Variants in DOCK2 observed in about 807,000 individuals in gnomAD.
DOCK2 encodes the protein dedicator of cytokinesis 2, also known as dedicator of cytokinesis protein 2.
A neutral mutation model predicts 248.9 loss-of-function variants in DOCK2; 87 were observed. The observed-to-expected ratio is 0.35, with a 90% confidence interval of 0.29 to 0.42. The LOEUF (loss-of-function observed/expected upper bound fraction) is 0.42. Ranked by LOEUF, DOCK2 falls within the 10% of genes least tolerant of loss-of-function variation. DOCK2 has a pLI of 1.00. For missense variants in DOCK2, 1,747 were observed against 2,300.2 expected, an observed-to-expected ratio of 0.76 and a Z score of 4.92; for synonymous variants, 805 against 821.6, an observed-to-expected ratio of 0.98 and a Z score of 0.35.
intron 25 of DOCK2, among the ~76,000 whole-genome samples, chr5:169,784,524 A>G (rs1161305871): frequency 6.6e-6 from 1 of 152,236 alleles, no homozygotes; most frequent in East Asian, 1.9e-4. Context: ...TTGGCATGAA[A>G]GATAATTTCA....
rs1761380290 is a variant in DOCK2, at chr5:169,708,198, G to A, written c.1413G>A (p.Lys471=). Residue 471 remains lysine, a synonymous_variant, in exon 15 of 52, where the codon AAG becomes AAA. Coordinates refer to ENST00000520908, the MANE Select transcript of DOCK2 (RefSeq NM_004946.3). ...CAATTTGCGTGGGAGCAGGGGACAA[G>A]CCCATGAATGAGTATCGCTCCGTTG... ...PNAICVGAGD[K]PMNEYRSVVY... 2 of 1,614,014 alleles carry A rather than the reference G, an allele frequency of 1.2e-6. No homozygotes were observed. Among genetic ancestry groups the A allele is most frequent in the South Asian group, 1.1e-5 (1 of 91,054 alleles).
chr5:170,003,077 C>T (rs534252597), intron 30 of DOCK2, among the ~76,000 whole-genome samples: 2 of 152,344 alleles, frequency 1.3e-5, no homozygotes, highest in South Asian at 4.1e-4. Flanking sequence ...AATCTTGGTA[C>T]TTGTGGAGCT....
chr5:170,065,680 A>G (rs1266164677), intron 44 of DOCK2, among the ~76,000 whole-genome samples: 1 of 152,198 alleles, frequency 6.6e-6, no homozygotes, highest in Non-Finnish European at 1.5e-5. Flanking sequence ...GAGCTTGTGC[A>G]GGGAAATTCC....
At chr5:169,909,252 G>T (rs1774460118) in intron 27 of DOCK2, among the ~76,000 whole-genome samples, 1 of 152,014 alleles carries the variant, frequency 6.6e-6, no homozygotes, top group Non-Finnish European at 1.5e-5. Flanking sequence ...TTAGTTCCTG[G>T]GTCACATTAG....
At chr5:169,669,757 C>T (rs931479462) in intron 3 of DOCK2, among the ~76,000 whole-genome samples, 1 of 152,182 alleles carries the variant, frequency 6.6e-6, no homozygotes, top group Non-Finnish European at 1.5e-5. Context: ...GTTCTAACCT[C>T]ACATTTCACT....
intron 41 of DOCK2, among the ~76,000 whole-genome samples, chr5:170,051,766 T>C (rs957124337): frequency 1.3e-5 from 2 of 152,106 alleles, no homozygotes; most frequent in Non-Finnish European, 2.9e-5. Flanking sequence ...AGTAAATATT[T>C]GTTGATTAAT....
chr5:170,049,154 G>A (rs1042582404), intron 40 of DOCK2, among the ~76,000 whole-genome samples: 2 of 152,106 alleles, frequency 1.3e-5, no homozygotes, highest in Non-Finnish European at 2.9e-5. Flanking sequence ...TTGCTCTGTC[G>A]CCCAGGCTGG....
At chr5:169,967,235 C>T (rs1288216014) in intron 27 of DOCK2, among the ~76,000 whole-genome samples, 2 of 152,200 alleles carry the variant, frequency 1.3e-5, no homozygotes, top group Admixed American at 1.3e-4. Flanking sequence ...GCCCTGACCA[C>T]AGCTAGTGGT....
At chr5:169,945,192 C>G (rs1375275247) in intron 27 of DOCK2, among the ~76,000 whole-genome samples, 2 of 152,226 alleles carry the variant, frequency 1.3e-5, no homozygotes, top group African/African-American at 4.8e-5. Context: ...GCTGGTTGTG[C>G]TGCAGCTGTA....
intron 25 of DOCK2, among the ~76,000 whole-genome samples, chr5:169,770,244 A>G (rs541055117): frequency 1.8e-4 from 28 of 151,948 alleles, no homozygotes; most frequent in African/African-American, 6.0e-4. Flanking sequence ...CTTACGTGTA[A>G]CCACATGACT....
At position 169,663,535 on chromosome 5, in the gene DOCK2, G is replaced by A. The variant is rs151095229; in HGVS notation, c.128-5753G>A. On this transcript the variant is annotated intron_variant, in intron 2 of 51. Transcript: ENST00000520908. ...AGAAGACTTCTGCCTTGACATCCAG[G>A]CATTTCCATACATCCTCTGAAATCT... Among the ~76,000 whole-genome samples, 520 of 152,328 alleles carry A rather than the reference G, an allele frequency of 3.4e-3. 5 individuals are homozygous for A. The highest frequency in any genetic ancestry group is 0.012 in the African/African-American group (504 of 41,570).
chr5:169,751,824 T>C (rs1561662688), intron 23 of DOCK2, among the ~76,000 whole-genome samples: 1 of 152,240 alleles, frequency 6.6e-6, no homozygotes, highest in Non-Finnish European at 1.5e-5. Flanking sequence ...GACATGGAAC[T>C]GGGATCTTCA....
intron 33 of DOCK2, among the ~76,000 whole-genome samples, chr5:170,020,327 A>G (rs567043144): frequency 6.6e-6 from 1 of 152,152 alleles, no homozygotes; most frequent in African/African-American, 2.4e-5. Context: ...TCCAAATGCC[A>G]TGTCACCTAG....
chr5:170,083,151 C>G lies in DOCK2; in HGVS notation c.*293C>G, dbSNP rs1758093420. ...GCTCTCCCCAACATCCTAGGCACAG[C>G]TTTCATAACCCAGTTTCTTAGGTGT... On this transcript the variant is annotated 3_prime_UTR_variant, in exon 52 of 52. Transcript: ENST00000520908. The G allele has an allele frequency of 2.8e-6, 1 of 358,446 alleles. No individual in the cohort carries two copies. Among genetic ancestry groups the G allele is most frequent in the Non-Finnish European group, 5.1e-6 (1 of 197,598 alleles). The allele number at this position is 358,446 out of a possible 1,614,324, so 22.2% of individuals were successfully genotyped here.
At chr5:169,925,527 C>G (rs1471581925) in intron 27 of DOCK2, among the ~76,000 whole-genome samples, 1 of 135,340 alleles carries the variant, frequency 7.4e-6, no homozygotes, top group African/African-American at 2.9e-5. Flanking sequence ...TTGCAATGAG[C>G]TAAGATCAGG....
intron 26 of DOCK2, among the ~76,000 whole-genome samples, chr5:169,837,153 A>G (rs1257729715): frequency 1.4e-5 from 2 of 138,808 alleles, no homozygotes; most frequent in Non-Finnish European, 3.0e-5. Flanking sequence ...ACCAGAGCCT[A>G]TAATTATTAA....
chr5:169,869,030 C>T (rs1270029671), intron 27 of DOCK2, among the ~76,000 whole-genome samples: 4 of 152,132 alleles, frequency 2.6e-5, no homozygotes, highest in Admixed American at 6.5e-5. Flanking sequence ...CTAGCTTCCT[C>T]GCTGGGTGGC....
chr5:169,784,042 T>C (rs923810140), intron 25 of DOCK2, among the ~76,000 whole-genome samples: 4 of 152,208 alleles, frequency 2.6e-5, no homozygotes, highest in Non-Finnish European at 1.5e-5. Context: ...TCTTGCCCAC[T>C]GGCTTTCAAA....
chr5:169,692,283 A>G (rs961668316), intron 9 of DOCK2, among the ~76,000 whole-genome samples: 1 of 152,322 alleles, frequency 6.6e-6, no homozygotes, highest in Admixed American at 6.5e-5. Flanking sequence ...AAGAGTGAAC[A>G]ATAAAAGAAG....
Sources: allele counts gnomAD v4.1 joint callset (sites outside exome capture counted in the v4.1 genomes callset), GRCh38; gene constraint gnomAD v4.1.1; transcripts MANE v1.5; gene names NCBI Gene and HGNC (gene_info 2026-07-23, HGNC 2026-07-21).